Variants in JMJD1C observed in about 807,000 individuals in gnomAD.
The protein encoded by JMJD1C is jumonji domain containing 1C.
Under a neutral mutation model 245.3 loss-of-function variants are expected in JMJD1C, and 31 were observed. The observed-to-expected ratio is 0.13, with a 90% confidence interval of 0.09 to 0.17. JMJD1C has a LOEUF of 0.17. JMJD1C is among the 10% of genes least tolerant of loss of function. JMJD1C has a pLI of 1.00. For missense variants in JMJD1C, 2,691 were observed against 3,000.2 expected (o/e 0.90, Z 2.41); for synonymous variants, 1,057 against 1,017.4 (o/e 1.04, Z -0.74).
chr10:63,384,644 G>T (rs1303586136), intron 1 of JMJD1C, among the ~76,000 whole-genome samples: 1 of 152,158 alleles, frequency 6.6e-6, no homozygotes, highest in Non-Finnish European at 1.5e-5. Context: ...AGGCTTTGTT[G>T]TTCCATTTAC....
chr10:63,298,433 A>G (rs1859684933), intron 2 of JMJD1C, among the ~76,000 whole-genome samples: 1 of 152,106 alleles, frequency 6.6e-6, no homozygotes, highest in Non-Finnish European at 1.5e-5. Context: ...ACCTTTTGCA[A>G]TCCTGAGCTT....
chr10:63,464,340 A>G (rs1439874388), intron 1 of JMJD1C, among the ~76,000 whole-genome samples: 5 of 152,204 alleles, frequency 3.3e-5, no homozygotes, highest in African/African-American at 1.2e-4. Context: ...ACAAAAACAC[A>G]CTCAGAAACT....
At chr10:63,193,282 A>G in intron 15 of JMJD1C, 63 bp downstream of exon 15, 1 of 1,518,386 alleles carries the variant, frequency 6.6e-7, no homozygotes, top group South Asian at 1.2e-5. Flanking sequence ...AATTTCAAAT[A>G]AATATCAAAG....
chr10:63,211,985 T>C (rs1040444383), intron 8 of JMJD1C, among the ~76,000 whole-genome samples: 10 of 135,290 alleles, frequency 7.4e-5, no homozygotes, highest in Non-Finnish European at 1.0e-4. Flanking sequence ...TGGAATATTA[T>C]ACAGCCTTAA....
At chr10:63,327,080 A>G (rs1447709569) in intron 2 of JMJD1C, among the ~76,000 whole-genome samples, 2 of 152,024 alleles carry the variant, frequency 1.3e-5, no homozygotes, top group Non-Finnish European at 2.9e-5. Flanking sequence ...CCAGCTACCG[A>G]GGAGGCTGAG....
chr10:63,488,319 C>A (rs1954062825), intron 1 of JMJD1C, among the ~76,000 whole-genome samples: 1 of 152,150 alleles, frequency 6.6e-6, no homozygotes, highest in South Asian at 2.1e-4. Context: ...AGCCTCCCTA[C>A]AACTGGGAAA....
chr10:63,195,992 A>C (rs987747765), intron 13 of JMJD1C, among the ~76,000 whole-genome samples: 7 of 149,640 alleles, frequency 4.7e-5, no homozygotes, highest in Non-Finnish European at 7.4e-5. Context: ...CTACTATGAA[A>C]ATCAGCAGGC....
At chr10:63,376,149 A>G (rs1287633880) in intron 2 of JMJD1C, among the ~76,000 whole-genome samples, 1 of 152,206 alleles carries the variant, frequency 6.6e-6, no homozygotes, top group African/African-American at 2.4e-5. Context: ...TACAGTCAAA[A>G]TATTTTCTGT....
At chr10:63,186,156 G>A in intron 19 of JMJD1C, 59 bp downstream of exon 19, 1 of 1,278,688 alleles carries the variant, frequency 7.8e-7, no homozygotes, top group Non-Finnish European at 1.1e-6. Flanking sequence ...AGTTACATTT[G>A]GAATTTATCA....
Position 63,305,203 on chromosome 10 carries a change from C to A in JMJD1C, c.334-40439G>T, listed in dbSNP as rs1937865224. ...CCCACATGGTGAAACCCCGTCTCTA[C>A]TAAAAATAAAACAAATTAGCTGGGT... On this transcript the variant is annotated intron_variant, in intron 2 of 25. Transcript: ENST00000399262. Among the ~76,000 whole-genome samples the A allele has an allele frequency of 2.6e-5, 4 of 151,456 alleles. No homozygotes were observed. In the South Asian group the frequency reaches 8.3e-4, roughly 32 times the overall value.
chr10:63,268,889 G>A, intron 2 of JMJD1C: 3 of 985,772 alleles, frequency 3.0e-6, no homozygotes, highest in Non-Finnish European at 3.6e-6. Flanking sequence ...ACCACAGAAC[G>A]AAGCAGGAGC....
chr10:63,464,215 T>C (rs1953014015), intron 1 of JMJD1C, among the ~76,000 whole-genome samples: 1 of 151,292 alleles, frequency 6.6e-6, no homozygotes. Context: ...AAACTACCTC[T>C]ATTTTCTGTT....
intron 1 of JMJD1C, among the ~76,000 whole-genome samples, chr10:63,434,517 G>A (rs1465347523): frequency 6.6e-6 from 1 of 152,080 alleles, no homozygotes; most frequent in East Asian, 1.9e-4. Flanking sequence ...CACAATACTA[G>A]AGAGGAATAA....
intron 2 of JMJD1C, among the ~76,000 whole-genome samples, chr10:63,379,394 T>C (rs1947033207): frequency 6.6e-6 from 1 of 152,210 alleles, no homozygotes; most frequent in African/African-American, 2.4e-5. Context: ...TAAATGAATG[T>C]GGCTCTTTTC....
chr10:63,521,878 TGGGCAGGCGCTCA>T (rs1564987446), upstream of JMJD1C: 90 of 160,740 alleles, frequency 5.6e-4, no homozygotes, highest in African/African-American at 1.7e-3. Flanking sequence ...CGGCGCTGGG[TGGGCAGGCGCTCA>T]GGGCAGGCGG....
At chr10:63,290,083 T>C in intron 2 of JMJD1C, among the ~76,000 whole-genome samples, 1 of 152,056 alleles carries the variant, frequency 6.6e-6, no homozygotes, top group East Asian at 1.9e-4. Context: ...CATGACTGTT[T>C]TGGAAAGCAC....
chr10:63,281,801 A>G (rs1189895172), intron 2 of JMJD1C, among the ~76,000 whole-genome samples: 2 of 152,264 alleles, frequency 1.3e-5, no homozygotes, highest in African/African-American at 4.8e-5. Flanking sequence ...AAAATTAAAT[A>G]TAATTCTGTG....
intron 2 of JMJD1C, among the ~76,000 whole-genome samples, chr10:63,332,248 G>C (rs1401959938): frequency 1.3e-5 from 2 of 152,140 alleles, no homozygotes; most frequent in Non-Finnish European, 2.9e-5. Context: ...AGTAAAGTAA[G>C]AAAAAGGTTC....
intron 3 of JMJD1C, among the ~76,000 whole-genome samples, chr10:63,258,129 C>G (rs541816845): frequency 1.3e-5 from 2 of 152,306 alleles, no homozygotes; most frequent in African/African-American, 4.8e-5. Flanking sequence ...AGTTTCTGTA[C>G]TATAAACTCT....
Sources: gnomAD v4.1 joint callset for allele counts (sites outside exome capture counted in the v4.1 genomes callset) on GRCh38, gnomAD v4.1.1 for gene constraint, MANE v1.5 for transcripts, NCBI Gene and HGNC (gene_info 2026-07-23, HGNC 2026-07-21) for gene names.